LINGO2: variants seen among roughly 807,000 people sequenced by gnomAD.
The protein encoded by LINGO2 is leucine rich repeat and Ig domain containing 2.
A neutral mutation model predicts 30.6 loss-of-function variants in LINGO2; 14 were observed. That is an observed-to-expected ratio of 0.46 (90% CI 0.30 to 0.72). LINGO2 has a LOEUF of 0.72. Among genes scored for constraint, LINGO2 ranks in the 30% least tolerant of loss-of-function variants. The pLI is 0.07. For synonymous variants in LINGO2, 317 were observed against 288.5 expected (o/e 1.10, Z -1.00); for missense variants, 729 against 751.7 (o/e 0.97, Z 0.35).
At chr9:28,553,817 A>G (rs1439533035) in intron 1 of LINGO2, among the ~76,000 whole-genome samples, 1 of 152,114 alleles carries the variant, frequency 6.6e-6, no homozygotes, top group African/African-American at 2.4e-5. Context: ...AAACCCTACA[A>G]GCCAGAAGAG....
chr9:28,772,841 T>C, the LINGO2 span, among the ~76,000 whole-genome samples: 1 of 152,150 alleles, frequency 6.6e-6, no homozygotes, highest in Non-Finnish European at 1.5e-5. Flanking sequence ...AGTAATATAC[T>C]TAAGATGGCA....
At chr9:29,065,448 A>C in the LINGO2 span, among the ~76,000 whole-genome samples, 2 of 152,048 alleles carry the variant, frequency 1.3e-5, no homozygotes. Context: ...ATTTTTATAT[A>C]GTGAAAGGAA....
At chr9:29,049,265 ATAT>A in the LINGO2 span, among the ~76,000 whole-genome samples, 1 of 152,258 alleles carries the variant, frequency 6.6e-6, no homozygotes, top group Admixed American at 6.5e-5. Flanking sequence ...CTACAATGAG[ATAT>A]TATATCATCC....
At chr9:29,074,440 G>T in the LINGO2 span, among the ~76,000 whole-genome samples, 2 of 151,918 alleles carry the variant, frequency 1.3e-5, no homozygotes, top group African/African-American at 4.8e-5. Flanking sequence ...CCTTCCTCTG[G>T]CTCCTTTTCT....
At chr9:28,731,716 G>A in the LINGO2 span, among the ~76,000 whole-genome samples, 575 of 152,202 alleles carry the variant, frequency 3.8e-3, 4 homozygotes, top group African/African-American at 0.013. Context: ...TAGAATTAAA[G>A]ATACACATAT....
At chr9:28,844,297 G>A in the LINGO2 span, among the ~76,000 whole-genome samples, 1 of 151,782 alleles carries the variant, frequency 6.6e-6, no homozygotes, top group Non-Finnish European at 1.5e-5. Context: ...GGGAGGTGGA[G>A]GTTGCAGTGA....
chr9:28,074,439 G>A (rs1298887382), intron 4 of LINGO2, among the ~76,000 whole-genome samples: 1 of 152,124 alleles, frequency 6.6e-6, no homozygotes, highest in Non-Finnish European at 1.5e-5. Context: ...ATTGGATCAT[G>A]TCGTACATGC....
chr9:28,640,486 A>G (rs1417900060), intron 1 of LINGO2, among the ~76,000 whole-genome samples: 1 of 146,168 alleles, frequency 6.8e-6, no homozygotes, highest in Non-Finnish European at 1.5e-5. Context: ...GTCTTTTCAC[A>G]CAGTCCCATA....
At chr9:28,291,447 A>G (rs968263833) in intron 4 of LINGO2, among the ~76,000 whole-genome samples, 3 of 152,178 alleles carry the variant, frequency 2.0e-5, no homozygotes, top group African/African-American at 7.2e-5. Flanking sequence ...GTTCTAGGGA[A>G]CAGGGATAAT....
chr9:28,193,811 A>C lies in LINGO2; in HGVS notation c.-87+101397T>G, dbSNP rs1251466838. On this transcript the variant is annotated intron_variant, in intron 4 of 5. Coordinates refer to ENST00000379992, the Ensembl canonical transcript of LINGO2. ...TTCATGTGGAGGCTGCAGTGGAAAC[A>C]ATCAGAGACTGGAGTAACTAGGAGC... Among the ~76,000 whole-genome samples the C allele has an allele frequency of 3.3e-5, 5 of 152,294 alleles. No individual in the cohort carries two copies. The East Asian group carries it at 9.7e-4, about 29-fold the overall frequency.
At chr9:27,990,150 C>A (rs930596410) in intron 5 of LINGO2, among the ~76,000 whole-genome samples, 7 of 151,972 alleles carry the variant, frequency 4.6e-5, no homozygotes, top group African/African-American at 1.4e-4. Flanking sequence ...ATACATTGTC[C>A]AACTGTTAGG....
At chr9:28,506,330 A>G (rs1021950042) in intron 1 of LINGO2, among the ~76,000 whole-genome samples, 35 of 149,908 alleles carry the variant, frequency 2.3e-4, no homozygotes, top group African/African-American at 8.1e-4. Flanking sequence ...AGTTCTAATG[A>G]ACTATTAATG....
At chr9:29,046,405 T>C in the LINGO2 span, among the ~76,000 whole-genome samples, 1 of 152,214 alleles carries the variant, frequency 6.6e-6, no homozygotes, top group South Asian at 2.1e-4. Flanking sequence ...AACCAGCACA[T>C]AGACCAATGG....
chr9:28,823,414 A>G, the LINGO2 span, among the ~76,000 whole-genome samples: 1 of 152,202 alleles, frequency 6.6e-6, no homozygotes, highest in African/African-American at 2.4e-5. Context: ...ACCATAACGT[A>G]TCTCCAGATA....
chr9:28,187,632 C>T (rs373512181), intron 4 of LINGO2, among the ~76,000 whole-genome samples: 62 of 152,002 alleles, frequency 4.1e-4, no homozygotes, highest in Admixed American at 1.4e-3. Flanking sequence ...GATTAATTTC[C>T]GATATTTTAG....
At chr9:29,139,396 T>C in the LINGO2 span, among the ~76,000 whole-genome samples, 6 of 152,170 alleles carry the variant, frequency 3.9e-5, no homozygotes, top group Admixed American at 1.3e-4. Flanking sequence ...ATTTGTAATG[T>C]AGCAATAAAT....
the LINGO2 span, among the ~76,000 whole-genome samples, chr9:29,082,778 G>C: frequency 6.6e-6 from 1 of 152,172 alleles, no homozygotes; most frequent in Admixed American, 6.6e-5. Context: ...CGAAGGATAT[G>C]AACAGACACT....
chr9:28,320,978 C>T (rs1396789409), intron 3 of LINGO2, among the ~76,000 whole-genome samples: 2 of 152,186 alleles, frequency 1.3e-5, no homozygotes, highest in Non-Finnish European at 2.9e-5. Context: ...CTTTGTCTTG[C>T]AGCTGCCAAT....
intron 5 of LINGO2, among the ~76,000 whole-genome samples, chr9:27,963,019 A>C (rs950165287): frequency 9.8e-5 from 15 of 152,292 alleles, no homozygotes; most frequent in Non-Finnish European, 1.8e-4. Context: ...ATATCAGGAA[A>C]TAGACTTAAA....
Sources: gnomAD v4.1 joint callset for allele counts (sites outside exome capture counted in the v4.1 genomes callset) on GRCh38, gnomAD v4.1.1 for gene constraint, MANE v1.5 for transcripts, NCBI Gene and HGNC (gene_info 2026-07-23, HGNC 2026-07-21) for gene names.